The following AGMO variants were observed in gnomAD, a reference collection of about 807,000 sequenced individuals.
The protein encoded by AGMO is glyceryl-ether monooxygenase.
Under a neutral mutation model 60.2 loss-of-function variants are expected in AGMO, and 75 were observed. That is an observed-to-expected ratio of 1.25 (90% CI 1.03 to 1.51). The LOEUF (loss-of-function observed/expected upper bound fraction) is 1.51, where lower values mean the gene tolerates loss of function less well. Ranked by LOEUF, AGMO falls within the 40% of genes most tolerant of loss-of-function variation. AGMO has a pLI of 0.00. For synonymous variants in AGMO, 261 were observed against 177.1 expected, an observed-to-expected ratio of 1.47 and a Z score of -3.76; for missense variants, 763 against 525.5, an observed-to-expected ratio of 1.45 and a Z score of -4.42.
chr7:15,197,756 C>CT (rs1017007362), downstream of AGMO, among the ~76,000 whole-genome samples: 3 of 152,262 alleles, frequency 2.0e-5, no homozygotes, highest in Admixed American at 1.3e-4. Context: ...ATCCTGAGAA[C>CT]TTTTTTTGTA....
chr7:15,353,561 A>T (rs1001660985), intron 12 of AGMO, among the ~76,000 whole-genome samples: 4 of 152,226 alleles, frequency 2.6e-5, no homozygotes, highest in Non-Finnish European at 5.9e-5. Flanking sequence ...AAAAGAAAAA[A>T]GAAATGTATT....
intron 12 of AGMO, among the ~76,000 whole-genome samples, chr7:15,343,544 TTATTAC>T (rs1288325351): frequency 3.3e-5 from 5 of 152,210 alleles, no homozygotes; most frequent in Admixed American, 6.5e-5. Flanking sequence ...CTTTCAGGAC[TTATTAC>T]TATCAGGTAT....
chr7:15,366,273 G>C (rs748003330), intron 10 of AGMO, 51 bp from the exon 11 acceptor site: 3 of 1,418,284 alleles, frequency 2.1e-6, no homozygotes, highest in Non-Finnish European at 2.9e-6. Flanking sequence ...ATTGTTAAAA[G>C]GTACACGAAC....
intron 3 of AGMO, among the ~76,000 whole-genome samples, chr7:15,460,771 G>T (rs1188971284): frequency 6.6e-6 from 1 of 151,832 alleles, no homozygotes; most frequent in Non-Finnish European, 1.5e-5. Context: ...AAGGTTGGAA[G>T]AAAAATAAAA....
At chr7:15,340,832 CAG>C (rs1781821722) in intron 12 of AGMO, among the ~76,000 whole-genome samples, 1 of 150,510 alleles carries the variant, frequency 6.6e-6, no homozygotes, top group Non-Finnish European at 1.5e-5. Flanking sequence ...TGCCCCCACA[CAG>C]AGTCCCCACT....
chr7:15,387,475 A>G lies in AGMO; in HGVS notation c.888T>C (p.Ser296=). The G allele has an allele frequency of 6.2e-7, 1 of 1,614,128 alleles. No homozygotes were observed. The highest frequency in any genetic ancestry group is 8.5e-7 in the Non-Finnish European group (1 of 1,179,960). ...CCCATCCCGGTCCCTTAAATATGAC[A>G]GAAAACTTATTGAAGAATCCAGGTG... is the stretch of plus-strand genomic sequence containing the variant. ...WATPGFFNKF[S]VIFKGPGWGP... is the part of the protein sequence containing the mutation. The change falls in exon 9 of 13, where the codon TCT becomes TCC. Residue 296 remains serine, a synonymous_variant. Coordinates refer to ENST00000342526, the MANE Select transcript of AGMO (RefSeq NM_001004320.2).
intron 3 of AGMO, among the ~76,000 whole-genome samples, chr7:15,542,812 T>C (rs1317023818): frequency 6.6e-6 from 1 of 152,228 alleles, no homozygotes; most frequent in African/African-American, 2.4e-5. Context: ...AACTGACCTA[T>C]TATGTGTCAA....
At chr7:15,155,968 C>A in the AGMO span, among the ~76,000 whole-genome samples, 2 of 152,174 alleles carry the variant, frequency 1.3e-5, no homozygotes, top group Non-Finnish European at 2.9e-5. Context: ...AGGACTCTGT[C>A]TTTGTCCTCT....
the AGMO span, among the ~76,000 whole-genome samples, chr7:15,156,537 T>G: frequency 6.6e-6 from 1 of 152,174 alleles, no homozygotes; most frequent in South Asian, 2.1e-4. Flanking sequence ...CAGACAGTTC[T>G]TGCCAGATCA....
rs527827210 is a variant in AGMO, at chr7:15,340,650, G to A, written c.1263+24864C>T. ...GCCCCAAGCCTTGGCAGCTCCATGT[G>A]GTGTTGGTCCTATGGGTGTGCAGAA... On this transcript the variant is annotated intron_variant, in intron 12 of 12. Transcript: ENST00000342526. Among the ~76,000 whole-genome samples, 56 of 152,284 alleles carry A rather than the reference G, an allele frequency of 3.7e-4. 1 individual carries two copies. Among genetic ancestry groups the A allele is most frequent in the Admixed American group, 2.6e-4 (4 of 15,306 alleles).
the AGMO span, among the ~76,000 whole-genome samples, chr7:15,187,347 G>A: frequency 6.6e-6 from 1 of 152,132 alleles, no homozygotes. Context: ...CCAGTATGCT[G>A]AAAAAACAGG....
At chr7:15,255,761 C>G (rs1036004585) in intron 12 of AGMO, among the ~76,000 whole-genome samples, 4 of 151,992 alleles carry the variant, frequency 2.6e-5, no homozygotes, top group African/African-American at 9.7e-5. Flanking sequence ...AAGATAAAGG[C>G]CATATCATTT....
At chr7:15,118,061 C>T in the AGMO span, among the ~76,000 whole-genome samples, 1 of 151,790 alleles carries the variant, frequency 6.6e-6, no homozygotes, top group African/African-American at 2.4e-5. Context: ...CATAATTTCC[C>T]TGTGTAATGT....
intron 3 of AGMO, among the ~76,000 whole-genome samples, chr7:15,471,721 T>C (rs1455473217): frequency 6.6e-6 from 1 of 151,922 alleles, no homozygotes; most frequent in Non-Finnish European, 1.5e-5. Context: ...TCAGTACTAA[T>C]GACAAGATGA....
chr7:15,459,309 T>C (rs1782075022), intron 3 of AGMO, among the ~76,000 whole-genome samples: 1 of 152,086 alleles, frequency 6.6e-6, no homozygotes, highest in South Asian at 2.1e-4. Flanking sequence ...TTTAAAAGGG[T>C]TCGTTTATGC....
chr7:15,173,727 A>T, the AGMO span, among the ~76,000 whole-genome samples: 2 of 151,978 alleles, frequency 1.3e-5, no homozygotes, highest in Non-Finnish European at 2.9e-5. Context: ...TTAGGAGTTT[A>T]AGTTTACAAA....
At position 15,531,653 on chromosome 7, in the gene AGMO, A is replaced by T. The variant is rs188209870; in HGVS notation, c.409+13119T>A. On this transcript the variant is annotated intron_variant, in intron 3 of 12. Transcript: ENST00000342526. ...ATATTCTATATATATAGAAAATATA[A>T]ATATATATATTTTTTTAGAGGGAGT... Among the ~76,000 whole-genome samples the T allele has an allele frequency of 9.0e-3, 1,023 of 113,718 alleles. 31 individuals carry two copies. The highest frequency in any genetic ancestry group is 0.033 in the African/African-American group (944 of 29,042). The allele number at this position is 113,718 out of a possible 152,430, so 74.6% of individuals were successfully genotyped here.
intron 12 of AGMO, among the ~76,000 whole-genome samples, chr7:15,317,180 A>C (rs1464103953): frequency 6.6e-6 from 1 of 152,180 alleles, no homozygotes; most frequent in Non-Finnish European, 1.5e-5. Context: ...CAAATCAAGG[A>C]AACATTTCAG....
Position 15,221,608 on chromosome 7 carries a change from C to T in AGMO, c.1264-20249G>A, listed in dbSNP as rs569918071. Among the ~76,000 whole-genome samples, 20 of 152,188 alleles carry T rather than the reference C, an allele frequency of 1.3e-4. No homozygotes were observed. In the East Asian group the frequency reaches 1.5e-3, roughly 12 times the overall value. ...CCTTGGTGAGAAGCAGGATATGCTA[C>T]GTGGCTTTTGTTTGTAGGCACACTG... On this transcript the variant is annotated intron_variant, in intron 12 of 12. Transcript: ENST00000342526.
Sources: allele counts gnomAD v4.1 joint callset (sites outside exome capture counted in the v4.1 genomes callset), GRCh38; gene constraint gnomAD v4.1.1; transcripts MANE v1.5; gene names NCBI Gene and HGNC (gene_info 2026-07-23, HGNC 2026-07-21).